Variants in FAM240C observed in about 807,000 individuals in gnomAD.
FAM240C encodes protein FAM240C.
In FAM240C, 14 loss-of-function variants were observed where a neutral mutation model predicts 10.0. The ratio of observed to expected loss-of-function variants is 1.40; its 90% confidence interval spans 0.92 to 2.19. The LOEUF is 2.19. FAM240C is among the 30% of genes most tolerant of loss of function. The pLI is 0.00. For synonymous variants in FAM240C, 49 were observed against 44.3 expected (o/e 1.11, Z -0.42); for missense variants, 154 against 122.3 (o/e 1.26, Z -1.22).
Position 241,897,211 on chromosome 2 carries a change from T to G in FAM240C, c.136A>C (p.Arg46=), listed in dbSNP as rs1312048961. The G allele has an allele frequency of 6.5e-7, 1 of 1,549,898 alleles. No homozygotes were observed. The highest frequency in any genetic ancestry group is 2.0e-5 in the Admixed American group (1 of 50,966). Residue 46 remains arginine (R), a synonymous_variant, in exon 2 of 3, where the codon AGG becomes CGG. Coordinates refer to ENST00000404031, the MANE Select transcript of FAM240C (RefSeq NM_001382368.1). ...HARHLQNEDI[R]VRRSALNKLR... is the part of the protein sequence containing the mutation. ...TTGTTCAGAGCGCTTCTGCGAACCC[T>G]GATGTCCTCGTTCTGCAGGTGTCTT... is the stretch of plus-strand genomic sequence containing the variant.
At chr2:241,895,931 G>A (rs1701786268) in intron 2 of FAM240C, among the ~76,000 whole-genome samples, 1 of 149,962 alleles carries the variant, frequency 6.7e-6, no homozygotes, top group Non-Finnish European at 1.5e-5. Flanking sequence ...GGGCGGGGAT[G>A]AGGCAGGGCC....
intron 2 of FAM240C, among the ~76,000 whole-genome samples, chr2:241,895,906 C>T (rs542617975): frequency 5.3e-5 from 8 of 150,988 alleles, no homozygotes; most frequent in Non-Finnish European, 7.4e-5. Flanking sequence ...CACAGGCACA[C>T]GTCCAGGAAG....
At chr2:241,895,048 G>T (rs1448818914) in intron 2 of FAM240C, among the ~76,000 whole-genome samples, 1 of 152,226 alleles carries the variant, frequency 6.6e-6, no homozygotes, top group Non-Finnish European at 1.5e-5. Flanking sequence ...GGAGAGTGGG[G>T]TGGGTGCCCG....
chr2:241,897,244 G>A lies in FAM240C; in HGVS notation c.103C>T (p.His35Tyr), dbSNP rs1425600972. 1.9e-6 allele frequency: 3 copies of A among 1,549,948 alleles called. No homozygotes were observed. The highest frequency in any genetic ancestry group is 1.7e-4 in the Middle Eastern group (1 of 5,990). The change falls in exon 2 of 3, where the codon CAT becomes TAT. Residue 35 changes from histidine to tyrosine, a missense_variant. By Grantham distance (83) the His-to-Tyr change is moderately conservative (BLOSUM62 2). Coordinates refer to ENST00000404031, the MANE Select transcript of FAM240C (RefSeq NM_001382368.1). ...TCGTTCTGCAGGTGTCTTGCGTGAT[G>A]CTCGATTTTTTTCTCCCAAAACATC... ...IKMFWEKKIE[H>Y]HARHLQNEDI...
At position 241,900,279 on chromosome 2, in the gene FAM240C, G is replaced by A; in HGVS notation, c.12+79C>T. On this transcript the variant is annotated intron_variant, in intron 1 of 2. Transcript: ENST00000404031. The surrounding 1 kb of genome is among the most constrained non-coding windows in gnomAD (Gnocchi z 4.5). Reference sequence around the variant, plus strand: ...TTGTGCCAGATATGTCACATACTCTGTTCACCTTTTGGGGGCCCCCAAATG... The same window carrying A: ...TTGTGCCAGATATGTCACATACTCTATTCACCTTTTGGGGGCCCCCAAATG... The A allele has an allele frequency of 2.8e-6, 2 of 712,746 alleles. No homozygotes were observed. The highest frequency in any genetic ancestry group is 5.2e-6 in the Non-Finnish European group (2 of 381,640). The allele number at this position is 712,746 out of a possible 1,614,324, so 44.2% of individuals were successfully genotyped here. A position where few individuals can be genotyped will look rare whatever the true frequency, so the allele number is the denominator to read the frequency against.
chr2:241,900,501 C>T (rs1701958606), upstream of FAM240C: 1 of 668,282 alleles, frequency 1.5e-6, no homozygotes, highest in Non-Finnish European at 2.8e-6. The surrounding 1 kb of genome is among the most constrained non-coding windows in gnomAD (Gnocchi z 4.5). Flanking sequence ...GGCGTCGGTT[C>T]AGTCCCAGAA....
At chr2:241,898,986 A>T in intron 1 of FAM240C, 1 of 634,020 alleles carries the variant, frequency 1.6e-6, no homozygotes, top group South Asian at 1.5e-5. Context: ...TTGGCCTTGG[A>T]GGCATTTCTC....
chr2:241,898,267 A>G (rs1383498120), intron 1 of FAM240C, among the ~76,000 whole-genome samples: 1 of 152,156 alleles, frequency 6.6e-6, no homozygotes, highest in Non-Finnish European at 1.5e-5. Context: ...AAGAATGTCC[A>G]AGGCCGGGCG....
At chr2:241,896,601 AGGGGTGTGGGTGTGGGGGTGTGGGTGTT>A (rs1701818492) in intron 2 of FAM240C, among the ~76,000 whole-genome samples, 1 of 3,100 alleles carries the variant, frequency 3.2e-4, no homozygotes, top group South Asian at 0.014. Context: ...GTGTGGGTGA[AGGGGTGTGGGTGTGGGGGTGTGGGTGTT>A]GGGGTGTGGG....
chr2:241,894,433 G>C (rs767172006), intron 2 of FAM240C, 94 bp from the exon 3 acceptor site: 1 of 1,402,990 alleles, frequency 7.1e-7, no homozygotes, highest in Admixed American at 2.1e-5. Context: ...GCACCTGTGA[G>C]AGCAGGAGTA....
chr2:241,897,404 C>T (rs998156678), intron 1 of FAM240C, 70 bp from the exon 2 acceptor site: 36 of 1,505,064 alleles, frequency 2.4e-5, no homozygotes, highest in Non-Finnish European at 2.9e-5. Flanking sequence ...TGTGCTCCAG[C>T]ACCCGGATGG....
chr2:241,898,720 C>A (rs1701910697), intron 1 of FAM240C, among the ~76,000 whole-genome samples: 1 of 152,228 alleles, frequency 6.6e-6, no homozygotes, highest in South Asian at 2.1e-4. Flanking sequence ...GCTGTGCCTG[C>A]CCTGGCCTGG....
chr2:241,897,261 C>G lies in FAM240C; in HGVS notation c.86G>C (p.Trp29Ser), dbSNP rs1332812867. The G allele has an allele frequency of 2.6e-6, 4 of 1,549,912 alleles. No individual in the cohort carries two copies. The East Asian group carries it at 7.3e-5, about 28-fold the overall frequency. Residue 29 changes from tryptophan (W) to serine (S), a missense_variant, in exon 2 of 3, where the codon TGG becomes TCG. Physicochemically the swap from Trp to Ser is radical, Grantham distance 177. Coordinates refer to ENST00000404031, the MANE Select transcript of FAM240C (RefSeq NM_001382368.1). ...TGCGTGATGCTCGATTTTTTTCTCC[C>G]AAAACATCTTTATCCCGCCTGAATC... is the stretch of plus-strand genomic sequence containing the variant. ...AYDSGGIKMF[W>S]EKKIEHHARH...
upstream of FAM240C, among the ~76,000 whole-genome samples, chr2:241,901,263 T>G (rs1340603587): frequency 6.6e-6 from 1 of 151,860 alleles, no homozygotes; most frequent in Non-Finnish European, 1.5e-5. The surrounding 1 kb of genome is among the most constrained non-coding windows in gnomAD (Gnocchi z 4.9). Context: ...CTGGACGGGG[T>G]TCCTCTCCCA....
At chr2:241,899,399 A>T (rs1171340732) in intron 1 of FAM240C, 2 of 933,076 alleles carry the variant, frequency 2.1e-6, no homozygotes, top group African/African-American at 3.6e-5. Flanking sequence ...GAACTCAGCC[A>T]CGCCTGCCTG....
intron 2 of FAM240C, among the ~76,000 whole-genome samples, chr2:241,896,157 G>A (rs1701797028): frequency 1.3e-5 from 2 of 152,180 alleles, no homozygotes; most frequent in Admixed American, 1.3e-4. Context: ...GCTGCCTGGA[G>A]CCTCTGGAAG....
rs1008391090 is a variant in FAM240C, at chr2:241,894,300, G to A, written c.201C>T (p.Asn67=). The A allele has an allele frequency of 1.5e-5, 23 of 1,549,194 alleles. No individual in the cohort carries two copies. The highest frequency in any genetic ancestry group is 3.3e-4 in the Middle Eastern group (2 of 6,012). Residue 67 remains asparagine (N), a synonymous_variant, in exon 3 of 3, where the codon AAC becomes AAT. Transcript: ENST00000404031. Reference sequence around the variant, plus strand: ...ATCTCCCTGGGCCCTGCAGCATCTTGTTCCTCCCCTCCAGCTGCTCAGCCC... The same window carrying A: ...ATCTCCCTGGGCCCTGCAGCATCTTATTCCTCCCCTCCAGCTGCTCAGCCC... ...VGWAEQLEGR[N]KMLQGPGRCP... is the part of the protein sequence containing the mutation.
intron 2 of FAM240C, among the ~76,000 whole-genome samples, chr2:241,895,055 C>T (rs1701762094): frequency 6.6e-6 from 1 of 152,210 alleles, no homozygotes; most frequent in African/African-American, 2.4e-5. Flanking sequence ...GGGGTGGGTG[C>T]CCGGCTCCAG....
intron 1 of FAM240C, among the ~76,000 whole-genome samples, chr2:241,899,935 T>C (rs1355236295): frequency 6.6e-6 from 1 of 151,918 alleles, no homozygotes; most frequent in East Asian, 1.9e-4. Flanking sequence ...GGCGTCGTGG[T>C]GGGCGCCTGT....
Sources: allele counts gnomAD v4.1 joint callset (sites outside exome capture counted in the v4.1 genomes callset), GRCh38; gene constraint gnomAD v4.1.1; non-coding constraint Gnocchi (gnomAD v3.1); transcripts MANE v1.5; gene names NCBI Gene and HGNC (gene_info 2026-07-23, HGNC 2026-07-21).